Variants in COL25A1 observed in about 807,000 individuals in gnomAD.
COL25A1 encodes the protein collagen type XXV alpha 1 chain.
In COL25A1, 103 loss-of-function variants were observed where a neutral mutation model predicts 128.4. That is an observed-to-expected ratio of 0.80 (90% confidence interval 0.68 to 0.94). The LOEUF (loss-of-function observed/expected upper bound fraction) is 0.94, where lower values mean the gene tolerates loss of function less well. Ranked by LOEUF, COL25A1 falls within the 40% of genes least tolerant of loss-of-function variation. COL25A1 has a pLI of 0.00. For missense variants in COL25A1, 745 were observed against 840.0 expected (o/e 0.89, Z 1.40); for synonymous variants, 279 against 277.2 (o/e 1.01, Z -0.06).
intron 3 of COL25A1, among the ~76,000 whole-genome samples, chr4:109,122,319 A>C (rs572613795): frequency 6.6e-6 from 1 of 152,134 alleles, no homozygotes; most frequent in African/African-American, 2.4e-5. Context: ...GATTGTAATG[A>C]AGGTACCACT....
intron 13 of COL25A1, among the ~76,000 whole-genome samples, chr4:108,913,261 C>CTTTTTTTTTTTTTTTTTTTTTTTTTT (rs201929872): frequency 1.1e-5 from 1 of 92,396 alleles, no homozygotes; most frequent in Non-Finnish European, 2.1e-5. Context: ...TCTCTAGCTC[C>CTTTTTTTTTTTTTTTTTTTTTTTTTT]TTTTTTTTTT....
At chr4:109,044,086 ATAGT>A (rs1442538728) in intron 5 of COL25A1, among the ~76,000 whole-genome samples, 2 of 127,180 alleles carry the variant, frequency 1.6e-5, no homozygotes, top group Non-Finnish European at 3.2e-5. Context: ...GACTCCTCTG[ATAGT>A]GTGTGTGTGT....
At chr4:108,913,912 G>A (rs941909250) in intron 13 of COL25A1, among the ~76,000 whole-genome samples, 72 of 152,118 alleles carry the variant, frequency 4.7e-4, no homozygotes, top group African/African-American at 1.2e-3. Context: ...GTGAGTGTGC[G>A]TTTGCGTGCA....
chr4:109,056,462 A>G (rs1761453724), intron 3 of COL25A1, among the ~76,000 whole-genome samples: 1 of 152,180 alleles, frequency 6.6e-6, no homozygotes, highest in African/African-American at 2.4e-5. Context: ...AAATAAAAAT[A>G]TGAAATATTT....
chr4:109,274,558 CAAAGA>C (rs997092351), intron 3 of COL25A1, among the ~76,000 whole-genome samples: 5 of 151,916 alleles, frequency 3.3e-5, no homozygotes, highest in African/African-American at 1.2e-4. Flanking sequence ...CAAAATATCC[CAAAGA>C]AAAGAGATAA....
intron 5 of COL25A1, among the ~76,000 whole-genome samples, chr4:109,027,192 G>A (rs548904562): frequency 7.2e-5 from 11 of 152,300 alleles, no homozygotes; most frequent in East Asian, 1.9e-4. Flanking sequence ...GGCAGACAGC[G>A]ATAAGGACTC....
chr4:109,037,111 A>G (rs978461152), intron 5 of COL25A1, among the ~76,000 whole-genome samples: 44 of 152,252 alleles, frequency 2.9e-4, no homozygotes, highest in African/African-American at 9.9e-4. Context: ...CCAGAAGAAC[A>G]TCATAACATA....
chr4:108,893,316 G>T (rs1247208904), intron 16 of COL25A1, among the ~76,000 whole-genome samples: 1 of 152,190 alleles, frequency 6.6e-6, no homozygotes, highest in South Asian at 2.1e-4. Flanking sequence ...CATTTAGTGT[G>T]CAGCACAAAT....
intron 3 of COL25A1, among the ~76,000 whole-genome samples, chr4:109,161,226 T>C (rs564756119): frequency 3.3e-5 from 5 of 152,258 alleles, no homozygotes; most frequent in South Asian, 4.1e-4. Flanking sequence ...CCTGGAGACA[T>C]TGATTCTTGC....
chr4:109,199,315 GTTTTTC>G lies in COL25A1; in HGVS notation c.367+101262_367+101267del, dbSNP rs138754759. ...ACAGAATTGGAATTACATTTCTTTT[GTTTTTC>G]TTTTTCTAGAGACAGGATTTTGCCA... On this transcript the variant is annotated intron_variant, in intron 3 of 37. Transcript: ENST00000399132. 8.5e-3 allele frequency among the ~76,000 whole-genome samples: 1,294 copies of G among 152,122 alleles called. 58 individuals are homozygous for G. The South Asian group carries it at 0.14, about 16-fold the overall frequency.
At chr4:109,017,448 G>A (rs1757324773) in intron 5 of COL25A1, among the ~76,000 whole-genome samples, 1 of 152,214 alleles carries the variant, frequency 6.6e-6, no homozygotes, top group Non-Finnish European at 1.5e-5. Flanking sequence ...CTGGAAAAGT[G>A]ACACCCAAAG....
intron 4 of COL25A1, among the ~76,000 whole-genome samples, chr4:109,049,138 C>T (rs945476332): frequency 6.6e-6 from 1 of 151,940 alleles, no homozygotes; most frequent in African/African-American, 2.4e-5. Flanking sequence ...AGAAAAAAAA[C>T]CACACATTAA....
chr4:108,990,353 T>G (rs1421994015), intron 6 of COL25A1, among the ~76,000 whole-genome samples: 1 of 148,102 alleles, frequency 6.8e-6, no homozygotes, highest in Non-Finnish European at 1.5e-5. Context: ...AAAGTAAAAT[T>G]TTTAAAGTCT....
chr4:109,227,783 A>G (rs1778903599), intron 3 of COL25A1, among the ~76,000 whole-genome samples: 1 of 152,178 alleles, frequency 6.6e-6, no homozygotes, highest in African/African-American at 2.4e-5. Flanking sequence ...GACAGAACCA[A>G]TAGGGCACTT....
intron 26 of COL25A1, among the ~76,000 whole-genome samples, chr4:108,850,635 G>A (rs1021374186): frequency 1.3e-5 from 2 of 151,960 alleles, no homozygotes; most frequent in Non-Finnish European, 1.5e-5. Flanking sequence ...AGACTTAGAG[G>A]GACCTTCTAT....
In COL25A1 at chr4:109,254,505, A is replaced by ATATATATATATATATG. The variant is rs1383703429; in HGVS notation, c.367+46077_367+46078insCATATATATATATATA. On this transcript the variant is annotated intron_variant, in intron 3 of 37. Transcript: ENST00000399132. Reference sequence around the variant, plus strand: ...TATATATATATATATATATATATATATGTATGTGTGTATATACATATACAT... The same window carrying ATATATATATATATATG: ...TATATATATATATATATATATATATATATATATATATATATGTGTATGTGTGTATATACATATACAT... 6.7e-3 allele frequency among the ~76,000 whole-genome samples: 701 copies of ATATATATATATATATG among 104,818 alleles called. 34 individuals carry two copies. Among genetic ancestry groups the ATATATATATATATATG allele is most frequent in the Middle Eastern group, 0.032 (5 of 158 alleles). 68.8% of individuals were successfully genotyped at this position (104,818 alleles called of 152,430 possible).
chr4:108,824,539 C>G (rs1359009598), intron 34 of COL25A1, among the ~76,000 whole-genome samples: 1 of 152,204 alleles, frequency 6.6e-6, no homozygotes, highest in Non-Finnish European at 1.5e-5. Context: ...CCTCTCTGCA[C>G]TTTAGTCCGT....
chr4:109,020,856 C>T (rs76525160), intron 5 of COL25A1, among the ~76,000 whole-genome samples: 16,019 of 152,130 alleles, frequency 0.11, 1,391 homozygotes, highest in African/African-American at 0.24. Context: ...GAGGTTTATT[C>T]AGATTTTTAC....
chr4:108,821,852 A>T (rs1731802740), intron 35 of COL25A1, among the ~76,000 whole-genome samples: 3 of 152,134 alleles, frequency 2.0e-5, no homozygotes, highest in Admixed American at 1.3e-4. Flanking sequence ...AAAGAATTAT[A>T]TACATGAATT....
Sources: allele counts gnomAD v4.1 joint callset (sites outside exome capture counted in the v4.1 genomes callset), GRCh38; gene constraint gnomAD v4.1.1; transcripts MANE v1.5; gene names NCBI Gene and HGNC (gene_info 2026-07-23, HGNC 2026-07-21).